The following COLEC12 variants were observed in gnomAD, a reference collection of about 807,000 sequenced individuals.
COLEC12 encodes the protein collectin subfamily member 12.
Under a neutral mutation model 71.1 loss-of-function variants are expected in COLEC12, and 33 were observed. That is an observed-to-expected ratio of 0.46 (90% CI 0.35 to 0.62). The LOEUF (loss-of-function observed/expected upper bound fraction) is 0.62, where lower values mean the gene tolerates loss of function less well. COLEC12 is among the 20% of genes least tolerant of loss of function. The pLI, the probability that COLEC12 is intolerant of heterozygous loss-of-function variation, is 0.00. For synonymous variants in COLEC12, 350 were observed against 353.0 expected (o/e 0.99, Z 0.10); for missense variants, 765 against 916.1 (o/e 0.84, Z 2.13).
intron 5 of COLEC12, among the ~76,000 whole-genome samples, chr18:338,760 A>G (rs1209753816): frequency 3.3e-5 from 5 of 152,224 alleles, no homozygotes; most frequent in Non-Finnish European, 7.3e-5. Flanking sequence ...CAATGGACGT[A>G]GCATTATGGA....
Position 346,258 on chromosome 18 carries a change from CAACT to C in COLEC12, c.1327+33_1327+36del. ...GAGTAACTTGTTATGCAGCAATAAA[CAACT>C]AATACAAATACAAATTCAGAATTTT... On this transcript the variant is annotated intron_variant, in intron 5 of 9. Transcript: ENST00000400256. This position sits in a 1 kb window ranked among gnomAD's most constrained non-coding sequence, Gnocchi z 4.0. The C allele has an allele frequency of 6.9e-7, 1 of 1,450,036 alleles. No individual in the cohort carries two copies. The highest frequency in any genetic ancestry group is 9.4e-7 in the Non-Finnish European group (1 of 1,058,808). The allele number at this position is 1,450,036 out of a possible 1,614,324, so 89.8% of individuals were successfully genotyped here. A position where few individuals can be genotyped will look rare whatever the true frequency, so the allele number is the denominator to read the frequency against.
chr18:353,544 C>T (rs931367615), intron 3 of COLEC12, among the ~76,000 whole-genome samples: 2 of 152,184 alleles, frequency 1.3e-5, no homozygotes, highest in Non-Finnish European at 2.9e-5. Context: ...AGAATTATTT[C>T]TGTTTATATT....
chr18:378,423 A>C (rs1392954956), intron 2 of COLEC12, among the ~76,000 whole-genome samples: 1 of 152,246 alleles, frequency 6.6e-6, no homozygotes, highest in Non-Finnish European at 1.5e-5. Context: ...AGCGGCCAGG[A>C]CATGGAGACT....
chr18:389,445 A>AT (rs1243577896), intron 2 of COLEC12, among the ~76,000 whole-genome samples: 1 of 151,704 alleles, frequency 6.6e-6, no homozygotes, highest in Non-Finnish European at 1.5e-5. Context: ...TGCTCGGCTA[A>AT]TTTTTTGTAT....
chr18:420,999 C>T (rs1218747368), intron 2 of COLEC12, among the ~76,000 whole-genome samples: 1 of 152,178 alleles, frequency 6.6e-6, no homozygotes, highest in African/African-American at 2.4e-5. Context: ...GGAAATTATT[C>T]AAACTAGCCG....
chr18:389,593 T>G (rs1365824771), intron 2 of COLEC12, among the ~76,000 whole-genome samples: 2 of 151,748 alleles, frequency 1.3e-5, no homozygotes, highest in Admixed American at 1.3e-4. Context: ...GTGCAGCAAT[T>G]TTTTTAAAAA....
rs1424211948 is a variant in COLEC12, at chr18:317,576, G to A, written c.*2469C>T. The A allele has an allele frequency of 6.6e-6, 1 of 152,256 alleles. No individual in the cohort carries two copies. Among genetic ancestry groups the A allele is most frequent in the African/African-American group, 2.4e-5 (1 of 41,468 alleles). The allele number at this position is 152,256 out of a possible 1,614,324, so 9.4% of individuals were successfully genotyped here. The stretch of plus-strand genomic sequence containing the variant: ...CTGATAAATAATAAGCACTTGGTAA[G>A]TTATTATTAGGGCTGGGAGAGCAAT... On this transcript the variant is annotated 3_prime_UTR_variant, in exon 10 of 10. Coordinates refer to ENST00000400256, the MANE Select transcript of COLEC12 (RefSeq NM_130386.3).
chr18:464,655 G>GA (rs1237728017), intron 2 of COLEC12, among the ~76,000 whole-genome samples: 1 of 152,148 alleles, frequency 6.6e-6, no homozygotes, highest in Non-Finnish European at 1.5e-5. Flanking sequence ...GAGATACGTT[G>GA]ATCTTTTTTC....
At chr18:350,334 T>A (rs372720914) in intron 3 of COLEC12, among the ~76,000 whole-genome samples, 6 of 152,262 alleles carry the variant, frequency 3.9e-5, no homozygotes, top group African/African-American at 1.4e-4. Flanking sequence ...CCTCCCACCA[T>A]GATTCTGAGG....
intron 2 of COLEC12, among the ~76,000 whole-genome samples, chr18:473,674 C>A (rs1917248154): frequency 6.6e-6 from 1 of 152,136 alleles, no homozygotes; most frequent in Non-Finnish European, 1.5e-5. Context: ...CAACTCATAT[C>A]TTTTAAGAAA....
chr18:323,116 T>C (rs1913753202), intron 8 of COLEC12, among the ~76,000 whole-genome samples: 1 of 152,050 alleles, frequency 6.6e-6, no homozygotes, highest in African/African-American at 2.4e-5. Context: ...TCCCAGCTAC[T>C]TGGGAGGCTG....
intron 1 of COLEC12, among the ~76,000 whole-genome samples, chr18:497,111 C>A (rs1480527146): frequency 1.3e-5 from 2 of 152,058 alleles, no homozygotes; most frequent in Admixed American, 1.3e-4. Context: ...ATAATGATGT[C>A]ATTATTTTGG....
At position 338,462 on chromosome 18, in the gene COLEC12, G is replaced by A. The variant is rs868115747; in HGVS notation, c.1328-3232C>T. ...CCGCATCTTATAATCTCTGTATCAG[G>A]TGGGCTGTGACTGCCACTACGAAAT... On this transcript the variant is annotated intron_variant, in intron 5 of 9. Transcript: ENST00000400256. 9.8e-5 allele frequency among the ~76,000 whole-genome samples: 15 copies of A among 152,322 alleles called. No homozygotes were observed. In the Middle Eastern group the frequency reaches 0.01, roughly 104 times the overall value.
chr18:484,851 C>G (rs986909917), intron 1 of COLEC12, among the ~76,000 whole-genome samples: 1 of 152,136 alleles, frequency 6.6e-6, no homozygotes, highest in Admixed American at 6.5e-5. Flanking sequence ...CCAGATGTTC[C>G]CAGCTGCTCA....
intron 2 of COLEC12, among the ~76,000 whole-genome samples, chr18:475,898 G>A (rs991455855): frequency 2.6e-5 from 4 of 152,206 alleles, no homozygotes; most frequent in Admixed American, 2.6e-4. Context: ...CTGAGAGGCA[G>A]GGCTGGGTTC....
At chr18:465,785 ACC>A (rs201219875) in intron 2 of COLEC12, among the ~76,000 whole-genome samples, 2,208 of 152,256 alleles carry the variant, frequency 0.015, 48 homozygotes, top group Non-Finnish European at 0.015. Flanking sequence ...GTAAATAGTT[ACC>A]TATGGCCGGG....
At chr18:441,272 T>A (rs1354260086) in intron 2 of COLEC12, among the ~76,000 whole-genome samples, 2 of 151,502 alleles carry the variant, frequency 1.3e-5, no homozygotes, top group African/African-American at 2.4e-5. Context: ...TAAATAATAA[T>A]AAAAAAATAA....
chr18:443,272 G>C (rs1332372475), intron 2 of COLEC12, among the ~76,000 whole-genome samples: 1 of 152,128 alleles, frequency 6.6e-6, no homozygotes, highest in Admixed American at 6.5e-5. Context: ...CTGACTTTTG[G>C]TATTTTCAGA....
In COLEC12 at chr18:408,948, TC is replaced by T. The variant is rs1385191191; in HGVS notation, c.59-51427del. On this transcript the variant is annotated intron_variant, in intron 2 of 9. Transcript: ENST00000400256. The surrounding 1 kb of genome is among the most constrained non-coding windows in gnomAD (Gnocchi z 4.3). ...CTGGGGTTCAAGTGATTCTCATGCC[TC>T]AGACTCCTGAGTAGCTGGTATTACA... 3.3e-5 allele frequency among the ~76,000 whole-genome samples: 5 copies of T among 152,156 alleles called. No homozygotes were observed. The highest frequency in any genetic ancestry group is 7.4e-5 in the Non-Finnish European group (5 of 68,016).
Sources: allele counts gnomAD v4.1 joint callset (sites outside exome capture counted in the v4.1 genomes callset), GRCh38; gene constraint gnomAD v4.1.1; non-coding constraint Gnocchi (gnomAD v3.1); transcripts MANE v1.5; gene names NCBI Gene and HGNC (gene_info 2026-07-23, HGNC 2026-07-21).